STARD10: variants seen among roughly 807,000 people sequenced by gnomAD.
STARD10 encodes the protein StAR related lipid transfer domain containing 10.
Under a neutral mutation model 36.0 loss-of-function variants are expected in STARD10, and 24 were observed. The observed-to-expected ratio is 0.67, with a 90% CI of 0.48 to 0.94. The LOEUF (loss-of-function observed/expected upper bound fraction) is 0.94, where lower values mean the gene tolerates loss of function less well. Among genes scored for constraint, STARD10 ranks in the 40% least tolerant of loss-of-function variants. The pLI is 0.00. For missense variants in STARD10, 335 were observed against 396.6 expected, an observed-to-expected ratio of 0.84 and a Z score of 1.32; for synonymous variants, 156 against 161.9, an observed-to-expected ratio of 0.96 and a Z score of 0.28.
In STARD10 at chr11:72,781,152, G is replaced by A. The variant is rs1323517041; in HGVS notation, c.30C>T (p.Pro10=). 2 of 1,612,420 alleles carry A rather than the reference G, an allele frequency of 1.2e-6. No homozygotes were observed. The highest frequency in any genetic ancestry group is 1.1e-5 in the South Asian group (1 of 91,086). MEKLAASTE[P]QGPRPVLGRE... ...GGCCCAGGACCGGCCGAGGCCCTTG[G>A]GGCTCTGTAGAGGCCGCCAGCTTCT... Residue 10 remains proline (P), a synonymous_variant, in exon 2 of 7, where the codon CCC becomes CCT. Coordinates refer to ENST00000334805, the MANE Select transcript of STARD10 (RefSeq NM_006645.3). This position sits in a 1 kb window ranked among gnomAD's most constrained non-coding sequence, Gnocchi z 4.7.
At chr11:72,755,288 T>A in intron 6 of STARD10, 146 bp from the exon 7 acceptor site, 3 of 716,598 alleles carry the variant, frequency 4.2e-6, no homozygotes, top group Non-Finnish European at 6.6e-6. Context: ...CCCTGGGCCC[T>A]AGGCTCCATT....
chr11:72,770,974 T>C (rs140191010), intron 2 of STARD10, among the ~76,000 whole-genome samples: 99 of 152,326 alleles, frequency 6.5e-4, no homozygotes, highest in Middle Eastern at 3.4e-3. Flanking sequence ...ATTCATCCAT[T>C]CTCAGCAAAT....
intron 2 of STARD10, among the ~76,000 whole-genome samples, chr11:72,765,727 T>C (rs1858778883): frequency 6.6e-6 from 1 of 151,698 alleles, no homozygotes; most frequent in Admixed American, 6.6e-5. Context: ...TCCCAGCACT[T>C]CGGGAGGCCG....
rs1859181730 is a variant in STARD10 at position 72,793,810 on chromosome 11, G to A, written c.-1049C>T. The A allele has an allele frequency of 6.6e-6, 1 of 152,178 alleles. No individual in the cohort carries two copies. Among genetic ancestry groups the A allele is most frequent in the Non-Finnish European group, 1.5e-5 (1 of 68,040 alleles). 9.4% of individuals were successfully genotyped at this position (152,178 alleles called of 1,614,324 possible). On this transcript the variant is annotated 5_prime_UTR_variant, in exon 1 of 7. Transcript: ENST00000334805. ...GTCCCGGACTAGGGGCGGACTAGGG[G>A]CCGCTCTGCCTCCCGCCCCCTAGTG...
intron 2 of STARD10, among the ~76,000 whole-genome samples, chr11:72,761,619 A>G (rs1284244142): frequency 6.6e-6 from 1 of 151,924 alleles, no homozygotes; most frequent in Non-Finnish European, 1.5e-5. Context: ...GTGGCACATA[A>G]CTGTAATCCC....
In STARD10 at chr11:72,781,400, G is replaced by T; in HGVS notation, c.-113-106C>A. ...TGGAGAGAGGTAGGGGCTGGCCCCA[G>T]GGAAGGGCGGACGGGCGCTGGACAG... On this transcript the variant is annotated intron_variant, in intron 1 of 6. Coordinates refer to ENST00000334805, the MANE Select transcript of STARD10 (RefSeq NM_006645.3). The surrounding 1 kb of genome is among the most constrained non-coding windows in gnomAD (Gnocchi z 4.7). 1 of 571,636 alleles carries T rather than the reference G, an allele frequency of 1.7e-6. No homozygotes were observed. Among genetic ancestry groups the T allele is most frequent in the South Asian group, 2.0e-5 (1 of 48,984 alleles). The allele number at this position is 571,636 out of a possible 1,614,324, so 35.4% of individuals were successfully genotyped here. A position where few individuals can be genotyped will look rare whatever the true frequency, so the allele number is the denominator to read the frequency against.
At position 72,781,176 on chromosome 11, in the gene STARD10, C is replaced by T. The variant is rs777930794; in HGVS notation, c.6G>A (p.Glu2=). Reference sequence around the variant, plus strand: ...GGGGCTCTGTAGAGGCCGCCAGCTTCTCCATGGGGAGTGTGGGGAGGCCCA... The same window carrying T: ...GGGGCTCTGTAGAGGCCGCCAGCTTTTCCATGGGGAGTGTGGGGAGGCCCA... The part of the protein sequence containing the change: M[E]KLAASTEPQG... Residue 2 remains glutamate, a synonymous_variant, in exon 2 of 7, where the codon GAG becomes GAA. Coordinates refer to ENST00000334805, the MANE Select transcript of STARD10 (RefSeq NM_006645.3). This position sits in a 1 kb window ranked among gnomAD's most constrained non-coding sequence, Gnocchi z 4.7. 9.9e-6 allele frequency: 16 copies of T among 1,609,664 alleles called. No homozygotes were observed. Among genetic ancestry groups the T allele is most frequent in the South Asian group, 4.4e-5 (4 of 91,080 alleles).
intron 1 of STARD10, chr11:72,790,492 G>A (rs993757866): frequency 1.3e-5 from 2 of 152,312 alleles, no homozygotes; most frequent in Non-Finnish European, 1.5e-5. Context: ...GGTGGGCCGG[G>A]GGGGTATCTG....
chr11:72,756,004 T>C, intron 5 of STARD10: 1 of 420,002 alleles, frequency 2.4e-6, no homozygotes, highest in Non-Finnish European at 4.3e-6. Flanking sequence ...AACCACAGGG[T>C]CCTAGGTAAG....
rs1858630168 is a variant in STARD10, at chr11:72,755,368, TG to T, written c.631-227del. ...CTGTGTGGCCCAGGCTGGAGTGCAGTGGCATGATATCGGCTCACTGCAACCT... is the reference window on the plus strand; with the variant it reads ...CTGTGTGGCCCAGGCTGGAGTGCAGTGCATGATATCGGCTCACTGCAACCT... On this transcript the variant is annotated intron_variant, in intron 6 of 6. Coordinates refer to ENST00000334805, the MANE Select transcript of STARD10 (RefSeq NM_006645.3). 3 of 574,704 alleles carry T rather than the reference TG, an allele frequency of 5.2e-6. No individual in the cohort carries two copies. In the East Asian group the frequency reaches 9.4e-5, roughly 18 times the overall value. The allele number at this position is 574,704 out of a possible 1,614,324, so 35.6% of individuals were successfully genotyped here. A position where few individuals can be genotyped will look rare whatever the true frequency, so the allele number is the denominator to read the frequency against.
At chr11:72,756,430 TG>T (rs2135607112) in intron 5 of STARD10, among the ~76,000 whole-genome samples, 1 of 152,046 alleles carries the variant, frequency 6.6e-6, no homozygotes, top group East Asian at 1.9e-4. Context: ...ACACCCACCC[TG>T]GGCCAGCCCT....
intron 2 of STARD10, among the ~76,000 whole-genome samples, chr11:72,777,567 A>G (rs1858942518): frequency 6.6e-6 from 1 of 152,376 alleles, no homozygotes; most frequent in South Asian, 2.1e-4. Context: ...CCCAGGATCC[A>G]CATTCAGCAT....
chr11:72,768,279 C>T (rs1187113281), intron 2 of STARD10, among the ~76,000 whole-genome samples: 2 of 152,180 alleles, frequency 1.3e-5, no homozygotes, highest in African/African-American at 4.8e-5. Flanking sequence ...TGCTTCTCCT[C>T]CCATGACCCA....
rs933022150 is a variant in STARD10, at chr11:72,757,351, G to T, written c.577+416C>A. On this transcript the variant is annotated intron_variant, in intron 5 of 6. Coordinates refer to ENST00000334805, the MANE Select transcript of STARD10 (RefSeq NM_006645.3). ...ACATCCGAAGGGAGATGTCCAGGTG[G>T]CCGATGGCCACAGGAATCTGAATCT... Among the ~76,000 whole-genome samples, 3 of 152,148 alleles carry T rather than the reference G, an allele frequency of 2.0e-5. No homozygotes were observed. In the East Asian group the frequency reaches 5.8e-4, roughly 29 times the overall value.
intron 1 of STARD10, among the ~76,000 whole-genome samples, chr11:72,782,907 G>A (rs1234725616): frequency 6.6e-6 from 1 of 152,134 alleles, no homozygotes; most frequent in Non-Finnish European, 1.5e-5. Flanking sequence ...AACCTGCCAC[G>A]GTCATCCTGA....
intron 2 of STARD10, among the ~76,000 whole-genome samples, chr11:72,765,692 C>T (rs376811164): frequency 7.9e-4 from 120 of 152,106 alleles, no homozygotes; most frequent in African/African-American, 2.7e-3. Context: ...AAAAATAGGC[C>T]GGGCACAGTG....
rs1859175796 is a variant in STARD10 at position 72,793,554 on chromosome 11, G to C, written c.-793C>G. 6.6e-6 allele frequency: 1 copy of C among 152,254 alleles called. No homozygotes were observed. The highest frequency in any genetic ancestry group is 6.5e-5 in the Admixed American group (1 of 15,292). The allele number at this position is 152,254 out of a possible 1,614,324, so 9.4% of individuals were successfully genotyped here. ...CCCATTTGTAAAAGGACTGTTGTGA[G>C]GACTGAATTAGGAGAGGCGATGAAG... is the stretch of plus-strand genomic sequence containing the variant. On this transcript the variant is annotated 5_prime_UTR_variant, in exon 1 of 7. Coordinates refer to ENST00000334805, the MANE Select transcript of STARD10 (RefSeq NM_006645.3).
chr11:72,767,813 G>C (rs1043836727), intron 2 of STARD10, among the ~76,000 whole-genome samples: 2 of 152,212 alleles, frequency 1.3e-5, no homozygotes, highest in African/African-American at 4.8e-5. Flanking sequence ...CTTGGGCAAA[G>C]AACTCTGAGC....
At chr11:72,787,642 T>C (rs1349260072) in intron 1 of STARD10, among the ~76,000 whole-genome samples, 8 of 152,244 alleles carry the variant, frequency 5.3e-5, no homozygotes, top group South Asian at 2.1e-4. Flanking sequence ...GCGGGGTCGA[T>C]GCGTCCTTCC....
Sources: gnomAD v4.1 joint callset for allele counts (sites outside exome capture counted in the v4.1 genomes callset) on GRCh38, gnomAD v4.1.1 for gene constraint, Gnocchi (gnomAD v3.1) non-coding constraint, MANE v1.5 for transcripts, NCBI Gene and HGNC (gene_info 2026-07-23, HGNC 2026-07-21) for gene names.